The following THSD7B variants were observed in gnomAD, a reference collection of about 807,000 sequenced individuals.
The protein encoded by THSD7B is thrombospondin type 1 domain containing 7B.
THSD7B carries 138 observed loss-of-function variants against 213.6 expected under a neutral mutation model. The observed-to-expected ratio is 0.65, with a 90% confidence interval of 0.56 to 0.74. The LOEUF is 0.74. Ranked by LOEUF, THSD7B falls within the 30% of genes least tolerant of loss-of-function variation. The probability of loss-of-function intolerance (pLI) is 0.00; values close to 1 mark genes in which losing one functional copy is unlikely to be tolerated. For missense variants in THSD7B, 1,931 were observed against 1,991.5 expected (o/e 0.97, Z 0.58); for synonymous variants, 742 against 687.0 (o/e 1.08, Z -1.25).
At chr2:136,932,838 T>C (rs1684653299) in intron 2 of THSD7B, among the ~76,000 whole-genome samples, 1 of 151,796 alleles carries the variant, frequency 6.6e-6, no homozygotes, top group Admixed American at 6.6e-5. Flanking sequence ...ATTTGTAGAG[T>C]TGGGGGAGAA....
rs74633051 is a variant in THSD7B at position 137,191,211 on chromosome 2, T to G, written c.1723+20273T>G. ...CTTTATTCCCTTCATCAAGTATGAA[T>G]TCAACAAAATGCTGATTGTCCATTG... On this transcript the variant is annotated intron_variant, in intron 7 of 27. Coordinates refer to ENST00000409968, the MANE Select transcript of THSD7B (RefSeq NM_001316349.2). Among the ~76,000 whole-genome samples, 316 of 152,308 alleles carry G rather than the reference T, an allele frequency of 2.1e-3. 1 individual carries two copies. The highest frequency in any genetic ancestry group is 7.3e-3 in the African/African-American group (302 of 41,558).
At chr2:137,639,702 G>T (rs755115811) in intron 20 of THSD7B, among the ~76,000 whole-genome samples, 1 of 152,134 alleles carries the variant, frequency 6.6e-6, no homozygotes, top group Non-Finnish European at 1.5e-5. Flanking sequence ...CACCTTTTGC[G>T]TCAGTGTGAC....
chr2:137,374,632 G>A (rs1406985142), intron 12 of THSD7B, among the ~76,000 whole-genome samples: 1 of 152,126 alleles, frequency 6.6e-6, no homozygotes, highest in Non-Finnish European at 1.5e-5. Flanking sequence ...TACTTAACAT[G>A]TCACTAAGTG....
chr2:137,440,144 C>T (rs1460649572), intron 14 of THSD7B, among the ~76,000 whole-genome samples: 1 of 152,118 alleles, frequency 6.6e-6, no homozygotes, highest in Non-Finnish European at 1.5e-5. Flanking sequence ...GTTAATCCAC[C>T]TAATTAACCT....
intron 12 of THSD7B, among the ~76,000 whole-genome samples, chr2:137,295,797 A>G (rs1227887310): frequency 6.6e-6 from 1 of 152,108 alleles, no homozygotes; most frequent in Admixed American, 6.6e-5. Flanking sequence ...AGGTAGTAGA[A>G]TTTCCCTGCT....
chr2:137,282,122 T>C (rs1248785664), intron 12 of THSD7B, among the ~76,000 whole-genome samples: 1 of 152,064 alleles, frequency 6.6e-6, no homozygotes, highest in African/African-American at 2.4e-5. Context: ...GGTATCTCAT[T>C]GTGGTTTTGA....
intron 2 of THSD7B, among the ~76,000 whole-genome samples, chr2:136,979,151 C>T (rs1182358885): frequency 6.6e-6 from 1 of 152,086 alleles, no homozygotes; most frequent in Non-Finnish European, 1.5e-5. Context: ...GGTTTCCACT[C>T]AGAGGTCTGC....
chr2:136,943,679 A>T (rs1277730657), intron 2 of THSD7B, among the ~76,000 whole-genome samples: 1 of 152,258 alleles, frequency 6.6e-6, no homozygotes, highest in East Asian at 1.9e-4. Context: ...AGAGATGTTT[A>T]TAGTATTCTC....
rs886837572 is a variant in THSD7B, at chr2:136,844,253, G to A, written c.-35-37891G>A. ...GGAGAAGCCAATCAGTGGACAATGTGGTAACTATGAGGCAACAGCTGAAAG... is the reference window on the plus strand; with the variant it reads ...GGAGAAGCCAATCAGTGGACAATGTAGTAACTATGAGGCAACAGCTGAAAG... On this transcript the variant is annotated intron_variant, in intron 1 of 27. Coordinates refer to ENST00000409968, the MANE Select transcript of THSD7B (RefSeq NM_001316349.2). 3.9e-5 allele frequency among the ~76,000 whole-genome samples: 6 copies of A among 152,080 alleles called. No individual in the cohort carries two copies. The East Asian group carries it at 1.2e-3, about 29-fold the overall frequency.
intron 2 of THSD7B, among the ~76,000 whole-genome samples, chr2:136,930,584 G>A (rs540449689): frequency 3.9e-4 from 59 of 152,310 alleles, no homozygotes; most frequent in African/African-American, 1.3e-3. Flanking sequence ...TACCCAGCTA[G>A]AAAATGACTG....
At chr2:137,364,495 C>T (rs933618242) in intron 12 of THSD7B, among the ~76,000 whole-genome samples, 1 of 152,048 alleles carries the variant, frequency 6.6e-6, no homozygotes, top group Non-Finnish European at 1.5e-5. Flanking sequence ...TTTAGAAAAC[C>T]CCATCATCTC....
At chr2:137,616,969 T>C (rs1682398678) in intron 18 of THSD7B, among the ~76,000 whole-genome samples, 1 of 152,196 alleles carries the variant, frequency 6.6e-6, no homozygotes. Context: ...CAGCATTGAA[T>C]TCAATACTGA....
At chr2:137,111,981 G>A (rs1241124192) in intron 4 of THSD7B, among the ~76,000 whole-genome samples, 1 of 152,136 alleles carries the variant, frequency 6.6e-6, no homozygotes, top group Non-Finnish European at 1.5e-5. Flanking sequence ...GAAAAGGTCT[G>A]GTCTTTGACA....
rs571937351 is a variant in THSD7B, at chr2:137,356,743, C to G, written c.2501-48870C>G. ...CAGCTTCTCCAGTGACAGCTCAGTT[C>G]AGCTTCCAGTTGACTCTTGAACTGA... On this transcript the variant is annotated intron_variant, in intron 12 of 27. Transcript: ENST00000409968. 2.4e-4 allele frequency among the ~76,000 whole-genome samples: 36 copies of G among 152,266 alleles called. 1 individual carries two copies. In the South Asian group the frequency reaches 7.5e-3, roughly 32 times the overall value.
intron 25 of THSD7B, among the ~76,000 whole-genome samples, chr2:137,660,007 T>A (rs1573772000): frequency 6.6e-6 from 1 of 151,760 alleles, no homozygotes; most frequent in South Asian, 2.1e-4. Context: ...TACCAGTAAG[T>A]ATTCTCAGTT....
intron 6 of THSD7B, among the ~76,000 whole-genome samples, chr2:137,161,946 A>G (rs1316671352): frequency 6.6e-6 from 1 of 152,186 alleles, no homozygotes; most frequent in Admixed American, 6.5e-5. Flanking sequence ...TCCTCCAGTC[A>G]CTGTGGCTGT....
intron 2 of THSD7B, among the ~76,000 whole-genome samples, chr2:136,907,780 G>A (rs970026303): frequency 1.3e-5 from 2 of 152,158 alleles, no homozygotes; most frequent in African/African-American, 4.8e-5. Flanking sequence ...TTTTGCAAAG[G>A]TAACTGCTGT....
chr2:137,231,318 A>G, intron 8 of THSD7B, 83 bp downstream of exon 8: 1 of 1,312,078 alleles, frequency 7.6e-7, no homozygotes, highest in African/African-American at 1.5e-5. Context: ...AGAAGTTTAT[A>G]TGGAGGAAAT....
chr2:137,030,275 T>A (rs778952207), intron 2 of THSD7B, among the ~76,000 whole-genome samples: 8 of 152,206 alleles, frequency 5.3e-5, no homozygotes, highest in Non-Finnish European at 1.0e-4. Flanking sequence ...AAACATTTTT[T>A]AATATACAAA....
Sources: gnomAD v4.1 joint callset for allele counts (sites outside exome capture counted in the v4.1 genomes callset) on GRCh38, gnomAD v4.1.1 for gene constraint, MANE v1.5 for transcripts, NCBI Gene and HGNC (gene_info 2026-07-23, HGNC 2026-07-21) for gene names.